The following ZMIZ1 variants were observed in gnomAD, a reference collection of about 807,000 sequenced individuals.
The protein encoded by ZMIZ1 is zinc finger MIZ-type containing 1, also known as zinc finger MIZ domain-containing protein 1.
A neutral mutation model predicts 113.9 loss-of-function variants in ZMIZ1; 17 were observed. That is an observed-to-expected ratio of 0.15 (90% CI 0.10 to 0.22). The LOEUF (loss-of-function observed/expected upper bound fraction) is 0.22, where lower values mean the gene tolerates loss of function less well. Among genes scored for constraint, ZMIZ1 ranks in the 10% least tolerant of loss-of-function variants. The pLI, the probability that ZMIZ1 is intolerant of heterozygous loss-of-function variation, is 1.00. For synonymous variants in ZMIZ1, 607 were observed against 603.1 expected (o/e 1.01, Z -0.09); for missense variants, 1,059 against 1,477.8 (o/e 0.72, Z 4.65).
chr10:79,180,150 C>T (rs781361238), intron 4 of ZMIZ1, among the ~76,000 whole-genome samples: 1 of 152,228 alleles, frequency 6.6e-6, no homozygotes, highest in Non-Finnish European at 1.5e-5. Context: ...GGGGCATGGC[C>T]TGCTCCTGAT....
chr10:79,243,352 G>T (rs1400339585), intron 7 of ZMIZ1, among the ~76,000 whole-genome samples: 3 of 149,736 alleles, frequency 2.0e-5, no homozygotes, highest in Non-Finnish European at 4.5e-5. Context: ...CCTCCTCGGC[G>T]GCGGCGGCGG....
intron 3 of ZMIZ1, among the ~76,000 whole-genome samples, chr10:79,152,131 C>A (rs1589343755): frequency 6.6e-6 from 1 of 152,188 alleles, no homozygotes; most frequent in South Asian, 2.1e-4. Context: ...AGCCAATTTC[C>A]CCCATTGAAG....
At chr10:79,312,474 T>C (rs1855244960) in intron 24 of ZMIZ1, among the ~76,000 whole-genome samples, 168 bp from the exon 25 acceptor site, 1 of 152,232 alleles carries the variant, frequency 6.6e-6, no homozygotes, top group South Asian at 2.1e-4. Context: ...GGGGTATGTG[T>C]GGGGATACCT....
intron 8 of ZMIZ1, among the ~76,000 whole-genome samples, chr10:79,278,185 T>A (rs1451807129): frequency 2.6e-5 from 4 of 152,200 alleles, no homozygotes; most frequent in African/African-American, 9.6e-5. Flanking sequence ...GGAAAGGACC[T>A]TAGTGCTCAT....
chr10:79,208,513 T>C, intron 6 of ZMIZ1, 64 bp downstream of exon 6: 1 of 1,397,954 alleles, frequency 7.2e-7, no homozygotes, highest in Non-Finnish European at 9.9e-7. Context: ...CTAGCGTGCC[T>C]GTCCAGGTTT....
At chr10:79,211,361 A>G (rs1038953649) in intron 6 of ZMIZ1, among the ~76,000 whole-genome samples, 16 of 151,944 alleles carry the variant, frequency 1.1e-4, no homozygotes, top group Non-Finnish European at 4.4e-5. Flanking sequence ...GCCCTGCCCC[A>G]TGGAGAAGAA....
At chr10:79,127,469 G>C (rs1294614753) in intron 2 of ZMIZ1, among the ~76,000 whole-genome samples, 2 of 150,606 alleles carry the variant, frequency 1.3e-5, no homozygotes, top group Non-Finnish European at 3.0e-5. Flanking sequence ...TTCTTTTCTG[G>C]AATAATAAAG....
chr10:79,299,676 C>T (rs544232374), intron 16 of ZMIZ1, among the ~76,000 whole-genome samples: 5 of 152,364 alleles, frequency 3.3e-5, no homozygotes, highest in African/African-American at 1.2e-4. Flanking sequence ...ACACAAGGTC[C>T]GGAGGTTCCC....
At chr10:79,227,307 A>G (rs1320612824) in intron 7 of ZMIZ1, among the ~76,000 whole-genome samples, 1 of 152,186 alleles carries the variant, frequency 6.6e-6, no homozygotes, top group Non-Finnish European at 1.5e-5. Flanking sequence ...GGCTCATTCA[A>G]CACTCAGGGT....
chr10:79,296,771 TG>T lies in ZMIZ1; in HGVS notation c.1413+121del. 1 of 1,075,038 alleles carries T rather than the reference TG, an allele frequency of 9.3e-7. No homozygotes were observed. Among genetic ancestry groups the T allele is most frequent in the Non-Finnish European group, 1.3e-6 (1 of 775,330 alleles). 66.6% of individuals were successfully genotyped at this position (1,075,038 alleles called of 1,614,324 possible). A position where few individuals can be genotyped will look rare whatever the true frequency, so the allele number is the denominator to read the frequency against. ...TGTTTGCCCCAAGGACAGCGAGGGG[TG>T]GGTGATTTCTGAACGTCCCCATGTG... is the stretch of plus-strand genomic sequence containing the variant. On this transcript the variant is annotated intron_variant, in intron 13 of 24. Transcript: ENST00000334512. This position sits in a 1 kb window ranked among gnomAD's most constrained non-coding sequence, Gnocchi z 4.1.
intron 4 of ZMIZ1, among the ~76,000 whole-genome samples, chr10:79,165,880 G>A (rs1025136293): frequency 7.4e-6 from 1 of 134,684 alleles, no homozygotes; most frequent in African/African-American, 2.8e-5. Flanking sequence ...TCTGTGAGCA[G>A]CCAAGCCTGA....
chr10:79,234,124 G>A (rs1849500178), intron 7 of ZMIZ1, among the ~76,000 whole-genome samples: 1 of 152,204 alleles, frequency 6.6e-6, no homozygotes, highest in Non-Finnish European at 1.5e-5. Flanking sequence ...GAACGTTTTA[G>A]ACAAGGGATG....
intron 7 of ZMIZ1, among the ~76,000 whole-genome samples, chr10:79,253,107 G>A (rs993678678): frequency 3.3e-5 from 5 of 152,186 alleles, no homozygotes; most frequent in African/African-American, 4.8e-5. Flanking sequence ...GTGCGGGGCC[G>A]GACATGCATC....
At position 79,293,509 on chromosome 10, in the gene ZMIZ1, C is replaced by A. The variant is rs1265402983; in HGVS notation, c.1086C>A (p.Gly362=). The change falls in exon 12 of 25, where the codon GGC becomes GGA. Residue 362 remains glycine, a synonymous_variant. Transcript: ENST00000334512. ...GCATGACGCCCTCGGGGATGAGCGGCCCTCCCATGGGCATGAACCAGCCCC... is the reference window on the plus strand; with the variant it reads ...GCATGACGCCCTCGGGGATGAGCGGACCTCCCATGGGCATGAACCAGCCCC... The part of the protein sequence containing the change: ...AAGMTPSGMS[G]PPMGMNQPRP... 1 of 1,598,714 alleles carries A rather than the reference C, an allele frequency of 6.3e-7. No individual in the cohort carries two copies. The highest frequency in any genetic ancestry group is 2.2e-5 in the East Asian group (1 of 44,566).
At chr10:79,271,341 C>T (rs745957020) in intron 7 of ZMIZ1, among the ~76,000 whole-genome samples, 4 of 152,198 alleles carry the variant, frequency 2.6e-5, no homozygotes, top group Admixed American at 6.5e-5. Flanking sequence ...GATTTGTGTG[C>T]CTGGCTCCCC....
chr10:79,086,546 G>A (rs112357003), intron 1 of ZMIZ1, among the ~76,000 whole-genome samples: 1 of 152,082 alleles, frequency 6.6e-6, no homozygotes, highest in Non-Finnish European at 1.5e-5. Flanking sequence ...CTGGGTCTCA[G>A]TCTGTCACCC....
chr10:79,116,112 G>A (rs753954464), intron 1 of ZMIZ1, among the ~76,000 whole-genome samples: 2 of 152,032 alleles, frequency 1.3e-5, no homozygotes, highest in Non-Finnish European at 2.9e-5. Context: ...GCACTCTGTA[G>A]CCCCTTACTG....
chr10:79,138,593 T>C (rs1214358333), intron 2 of ZMIZ1, among the ~76,000 whole-genome samples: 1 of 152,168 alleles, frequency 6.6e-6, no homozygotes, highest in Non-Finnish European at 1.5e-5. Flanking sequence ...ACACCATGGC[T>C]CTGACCCCTT....
intron 7 of ZMIZ1, among the ~76,000 whole-genome samples, chr10:79,265,476 T>A (rs1489442249): frequency 1.3e-5 from 2 of 150,720 alleles, no homozygotes; most frequent in African/African-American, 4.9e-5. Context: ...TTCTTTTTTT[T>A]TTTTTTTTTG....
Sources: allele counts gnomAD v4.1 joint callset (sites outside exome capture counted in the v4.1 genomes callset), GRCh38; gene constraint gnomAD v4.1.1; non-coding constraint Gnocchi (gnomAD v3.1); transcripts MANE v1.5; gene names NCBI Gene and HGNC (gene_info 2026-07-23, HGNC 2026-07-21).